SWT1: variants seen among roughly 807,000 people sequenced by gnomAD.
SWT1 encodes transcriptional protein SWT1.
SWT1 carries 33 observed loss-of-function variants against 107.3 expected under a neutral mutation model. The ratio of observed to expected loss-of-function variants is 0.31; its 90% CI spans 0.23 to 0.41. The LOEUF is 0.41. Ranked by LOEUF, SWT1 falls within the 10% of genes least tolerant of loss-of-function variation. The pLI is 1.00. For missense variants in SWT1, 898 were observed against 1,028.9 expected (o/e 0.87, Z 1.74); for synonymous variants, 345 against 348.3 (o/e 0.99, Z 0.11).
chr1:185,171,106 G>A (rs545183000), intron 4 of SWT1, among the ~76,000 whole-genome samples: 10 of 151,840 alleles, frequency 6.6e-5, no homozygotes, highest in African/African-American at 2.4e-4. Context: ...TTCCCCTAAA[G>A]TCACCGTCTC....
intron 16 of SWT1, among the ~76,000 whole-genome samples, chr1:185,265,644 GTTAA>G (rs1663319452): frequency 1.3e-5 from 2 of 152,158 alleles, no homozygotes; most frequent in Non-Finnish European, 2.9e-5. Flanking sequence ...ACCTAGATAG[GTTAA>G]TTAGCCTTTT....
intron 17 of SWT1, 52 bp downstream of exon 17, chr1:185,271,441 T>G: frequency 1.1e-6 from 1 of 931,422 alleles, no homozygotes; most frequent in Non-Finnish European, 1.7e-6. Flanking sequence ...AAACAAATTT[T>G]AATGTAAATA....
chr1:185,222,127 T>C (rs1659702975), intron 15 of SWT1, 91 bp downstream of exon 15: 3 of 875,258 alleles, frequency 3.4e-6, no homozygotes, highest in Non-Finnish European at 3.2e-6. Flanking sequence ...ATGTGCAATT[T>C]GACGTTTCAA....
intron 13 of SWT1, among the ~76,000 whole-genome samples, chr1:185,208,609 C>T (rs372824576): frequency 6.6e-6 from 1 of 152,124 alleles, no homozygotes; most frequent in East Asian, 1.9e-4. Context: ...TCACATTGTA[C>T]TCCATAAATA....
In SWT1 at chr1:185,204,320, C is replaced by T. The variant is rs572598686; in HGVS notation, c.1670-380C>T. Among the ~76,000 whole-genome samples the T allele has an allele frequency of 7.9e-5, 12 of 151,700 alleles. No homozygotes were observed. The South Asian group carries it at 2.5e-3, about 32-fold the overall frequency. ...AAAATATTCCATTTTTGGAAAAAAA[C>T]CCATTTTGATCCATAGTTCTTGGTT... On this transcript the variant is annotated intron_variant, in intron 11 of 18. Coordinates refer to ENST00000367500, the MANE Select transcript of SWT1 (RefSeq NM_017673.7).
chr1:185,268,464 ATTTG>A (rs1663561739), intron 16 of SWT1, among the ~76,000 whole-genome samples: 1 of 152,100 alleles, frequency 6.6e-6, no homozygotes, highest in South Asian at 2.1e-4. Flanking sequence ...CCTGGTCAGG[ATTTG>A]TTTCTTTCAT....
intron 16 of SWT1, among the ~76,000 whole-genome samples, chr1:185,257,319 C>G (rs545560244): frequency 6.6e-6 from 1 of 151,662 alleles, no homozygotes; most frequent in Non-Finnish European, 1.5e-5. Context: ...CCAGTTCGAG[C>G]TTCCTGGCTG....
chr1:185,285,790 A>G (rs778589954), intron 18 of SWT1, among the ~76,000 whole-genome samples: 5 of 152,164 alleles, frequency 3.3e-5, no homozygotes, highest in Admixed American at 1.3e-4. Context: ...AGGTTTTCCT[A>G]ATAGTATTAT....
intron 16 of SWT1, among the ~76,000 whole-genome samples, chr1:185,269,374 T>G (rs1035985038): frequency 2.1e-4 from 19 of 88,594 alleles, no homozygotes; most frequent in East Asian, 8.5e-4. Flanking sequence ...GAGGTTTTTG[T>G]TTTTTTTTTT....
intron 1 of SWT1, among the ~76,000 whole-genome samples, chr1:185,159,739 T>G (rs1022686342): frequency 3.3e-5 from 5 of 152,078 alleles, no homozygotes; most frequent in African/African-American, 1.2e-4. Context: ...TTTTTTAAAT[T>G]TTTGAGATGG....
At chr1:185,272,284 T>A (rs1252328428) in intron 17 of SWT1, among the ~76,000 whole-genome samples, 1 of 152,352 alleles carries the variant, frequency 6.6e-6, no homozygotes, top group East Asian at 1.9e-4. Context: ...GAAGCGGGTA[T>A]TCTGTTGTCA....
At chr1:185,220,745 C>T (rs998962142) in intron 14 of SWT1, among the ~76,000 whole-genome samples, 1 of 152,176 alleles carries the variant, frequency 6.6e-6, no homozygotes, top group Non-Finnish European at 1.5e-5. Flanking sequence ...CTTAGCTTTA[C>T]AACAAGAGGC....
intron 14 of SWT1, among the ~76,000 whole-genome samples, chr1:185,218,084 T>C (rs1659358267): frequency 6.6e-6 from 1 of 151,932 alleles, no homozygotes; most frequent in Non-Finnish European, 1.5e-5. Flanking sequence ...TTAACAGGAG[T>C]TGTTTTATAG....
chr1:185,200,645 C>T (rs1459523018), intron 10 of SWT1, among the ~76,000 whole-genome samples: 1 of 152,178 alleles, frequency 6.6e-6, no homozygotes, highest in African/African-American at 2.4e-5. Flanking sequence ...GGGGCACCCG[C>T]CAGATGCCAG....
At chr1:185,208,766 A>T (rs1156529273) in intron 13 of SWT1, among the ~76,000 whole-genome samples, 2 of 150,188 alleles carry the variant, frequency 1.3e-5, no homozygotes, top group Non-Finnish European at 2.9e-5. Flanking sequence ...TGATCTCCTA[A>T]CATGATGCAT....
intron 17 of SWT1, among the ~76,000 whole-genome samples, chr1:185,276,235 CA>C (rs930348679): frequency 3.3e-5 from 5 of 152,064 alleles, no homozygotes; most frequent in Admixed American, 6.5e-5. Flanking sequence ...ATGTAGACCT[CA>C]ATAATCTGAA....
chr1:185,183,375 G>C (rs997686925), intron 7 of SWT1, among the ~76,000 whole-genome samples: 5 of 151,716 alleles, frequency 3.3e-5, no homozygotes, highest in African/African-American at 1.2e-4. Flanking sequence ...ACTGCAACCT[G>C]TGCCTCCCAG....
At chr1:185,259,466 G>T (rs1218876817) in intron 16 of SWT1, among the ~76,000 whole-genome samples, 1 of 152,044 alleles carries the variant, frequency 6.6e-6, no homozygotes, top group Non-Finnish European at 1.5e-5. Context: ...TATTTTACCA[G>T]TTTACTGAGA....
At chr1:185,272,933 G>A (rs1489711302) in intron 17 of SWT1, among the ~76,000 whole-genome samples, 1 of 152,026 alleles carries the variant, frequency 6.6e-6, no homozygotes, top group Non-Finnish European at 1.5e-5. Context: ...CTCCTTGGGA[G>A]GCTGAGGAGA....
Sources: allele counts gnomAD v4.1 joint callset (sites outside exome capture counted in the v4.1 genomes callset), GRCh38; gene constraint gnomAD v4.1.1; transcripts MANE v1.5; gene names NCBI Gene and HGNC (gene_info 2026-07-23, HGNC 2026-07-21).